CFAP61: variants seen among roughly 807,000 people sequenced by gnomAD.
The protein encoded by CFAP61 is cilia and flagella associated protein 61.
A neutral mutation model predicts 135.6 loss-of-function variants in CFAP61; 107 were observed. The observed-to-expected ratio is 0.79, with a 90% confidence interval of 0.67 to 0.93. The LOEUF (loss-of-function observed/expected upper bound fraction) is 0.93. Ranked by LOEUF, CFAP61 falls within the 40% of genes least tolerant of loss-of-function variation. The pLI is 0.00. For missense variants in CFAP61, 1,507 were observed against 1,556.2 expected (o/e 0.97, Z 0.53); for synonymous variants, 575 against 578.5 (o/e 0.99, Z 0.09).
At position 20,140,182 on chromosome 20, in the gene CFAP61, T is replaced by A. The variant is rs1014626681; in HGVS notation, c.860-2675T>A. Among the ~76,000 whole-genome samples the A allele has an allele frequency of 5.5e-4, 80 of 145,574 alleles. 2 individuals are homozygous for A. The highest frequency in any genetic ancestry group is 3.6e-3 in the Middle Eastern group (1 of 278). On this transcript the variant is annotated intron_variant, in intron 8 of 26. Coordinates refer to ENST00000245957, the MANE Select transcript of CFAP61 (RefSeq NM_015585.4). Reference sequence around the variant, plus strand: ...CTGTCTTGTTGCATTTTTTAAAAAATTTTTTATTTTTTATTTTATTATTAT... The same window carrying A: ...CTGTCTTGTTGCATTTTTTAAAAAAATTTTTATTTTTTATTTTATTATTAT...
chr20:20,086,095 T>C (rs2046777697), intron 6 of CFAP61, among the ~76,000 whole-genome samples: 1 of 152,092 alleles, frequency 6.6e-6, no homozygotes, highest in Non-Finnish European at 1.5e-5. Context: ...TCCCTACCTG[T>C]TTTTTGTACA....
intron 12 of CFAP61, among the ~76,000 whole-genome samples, chr20:20,167,996 C>G (rs1169850420): frequency 6.6e-6 from 1 of 151,994 alleles, no homozygotes; most frequent in Non-Finnish European, 1.5e-5. Flanking sequence ...ATTGGTAATT[C>G]TGAATGTTCC....
intron 22 of CFAP61, among the ~76,000 whole-genome samples, chr20:20,283,600 T>G (rs919959486): frequency 3.3e-5 from 5 of 152,248 alleles, no homozygotes; most frequent in African/African-American, 4.8e-5. Context: ...GCTTCTCTGC[T>G]TAGGGACTCT....
At chr20:20,234,255 G>A (rs111255360) in intron 18 of CFAP61, among the ~76,000 whole-genome samples, 3 of 152,314 alleles carry the variant, frequency 2.0e-5, no homozygotes, top group African/African-American at 7.2e-5. Flanking sequence ...GAGAATGGCC[G>A]TGGGCAGAGA....
chr20:20,087,435 G>A (rs996869248), intron 6 of CFAP61, among the ~76,000 whole-genome samples: 1 of 152,158 alleles, frequency 6.6e-6, no homozygotes, highest in African/African-American at 2.4e-5. Context: ...ATGACCTTCA[G>A]CTGCAACCAT....
At chr20:20,187,249 G>A (rs1277652479) in intron 13 of CFAP61, among the ~76,000 whole-genome samples, 1 of 152,212 alleles carries the variant, frequency 6.6e-6, no homozygotes, top group Non-Finnish European at 1.5e-5. Context: ...CCCAACCAAA[G>A]CAACCAATGT....
At chr20:20,246,062 C>G in intron 18 of CFAP61, 55 bp from the exon 19 acceptor site, 3 of 1,104,920 alleles carry the variant, frequency 2.7e-6, no homozygotes, top group Non-Finnish European at 4.1e-6. Context: ...TTATGATAAA[C>G]TTTTGCTAAA....
chr20:20,258,955 G>A (rs2051909933), intron 20 of CFAP61, among the ~76,000 whole-genome samples: 1 of 152,120 alleles, frequency 6.6e-6, no homozygotes, highest in African/African-American at 2.4e-5. Context: ...CAGGTGGTCT[G>A]GCCCTGGATC....
intron 1 of CFAP61, 34 bp from the exon 2 acceptor site, chr20:20,056,584 A>T: frequency 1.4e-6 from 2 of 1,479,242 alleles, no homozygotes; most frequent in South Asian, 1.2e-5. Flanking sequence ...TGTGTGTATT[A>T]TAACCAAACT....
intron 15 of CFAP61, among the ~76,000 whole-genome samples, chr20:20,194,739 T>C (rs943926100): frequency 6.6e-6 from 1 of 152,310 alleles, no homozygotes; most frequent in Admixed American, 6.5e-5. Context: ...CTTCCCCTTG[T>C]GTGCTTGAAT....
At chr20:20,070,794 A>T in intron 2 of CFAP61, 60 bp from the exon 3 acceptor site, 3 of 1,519,488 alleles carry the variant, frequency 2.0e-6, no homozygotes, top group Non-Finnish European at 2.7e-6. Flanking sequence ...AAAAAATGGC[A>T]TGTCCTCACC....
chr20:20,057,806 C>T (rs1335238807), intron 2 of CFAP61, among the ~76,000 whole-genome samples: 1 of 152,114 alleles, frequency 6.6e-6, no homozygotes, highest in Non-Finnish European at 1.5e-5. Flanking sequence ...CAATCTCCGC[C>T]TCCTGGGTTC....
At chr20:20,351,687 G>GAGTT (rs2058843470) in intron 26 of CFAP61, among the ~76,000 whole-genome samples, 1 of 151,852 alleles carries the variant, frequency 6.6e-6, no homozygotes, top group South Asian at 2.1e-4. Context: ...TTTAACCAAT[G>GAGTT]AGTTAAAAGA....
chr20:20,152,281 A>G (rs1453365611), intron 9 of CFAP61, among the ~76,000 whole-genome samples: 4 of 152,146 alleles, frequency 2.6e-5, no homozygotes, highest in Non-Finnish European at 5.9e-5. Context: ...TAAATCTCAC[A>G]GGGCCTATAA....
intron 6 of CFAP61, among the ~76,000 whole-genome samples, chr20:20,082,579 T>A (rs2046507492): frequency 6.6e-6 from 1 of 152,194 alleles, no homozygotes; most frequent in South Asian, 2.1e-4. Context: ...AAAACCTGTC[T>A]TTTTCAAGTC....
Position 20,070,930 on chromosome 20 carries a change from C to T in CFAP61, c.220C>T (p.Pro74Ser), listed in dbSNP as rs567964794. The change falls in exon 3 of 27, where the codon CCC becomes TCC. Residue 74 changes from proline to serine, a missense_variant. By Grantham distance (74) the Pro-to-Ser change is moderately conservative. Transcript: ENST00000245957. ...IMAQATFLDY[P>S]NWNVAKQDDW... ...GGCCCAGGCCACCTTCCTGGACTAC[C>T]CCAACTGGAATGTTGCCAAGCAGGA... The T allele has an allele frequency of 2.4e-5, 39 of 1,614,100 alleles. No homozygotes were observed. In the South Asian group the frequency reaches 4.3e-4, roughly 18 times the overall value.
chr20:20,104,810 A>C (rs973633223), intron 8 of CFAP61, among the ~76,000 whole-genome samples: 8 of 152,064 alleles, frequency 5.3e-5, no homozygotes, highest in African/African-American at 1.9e-4. Flanking sequence ...TCCCTCCTTG[A>C]CTTGTAGACG....
intron 6 of CFAP61, among the ~76,000 whole-genome samples, chr20:20,089,919 G>A (rs1412858364): frequency 6.6e-6 from 1 of 152,216 alleles, no homozygotes; most frequent in Non-Finnish European, 1.5e-5. Context: ...AGGATGCCAT[G>A]GGCCAGTGTT....
chr20:20,287,428 A>G (rs1210935410), intron 22 of CFAP61, among the ~76,000 whole-genome samples: 2 of 152,354 alleles, frequency 1.3e-5, no homozygotes, highest in African/African-American at 4.8e-5. Flanking sequence ...CTGAGCACTT[A>G]AAATGGGCTA....
Sources: allele counts gnomAD v4.1 joint callset (sites outside exome capture counted in the v4.1 genomes callset), GRCh38; gene constraint gnomAD v4.1.1; transcripts MANE v1.5; gene names NCBI Gene and HGNC (gene_info 2026-07-23, HGNC 2026-07-21).